Variants in RAB38 observed in about 807,000 individuals in gnomAD.
The protein encoded by RAB38 is RAB38, member RAS oncogene family.
Under a neutral mutation model 18.4 loss-of-function variants are expected in RAB38, and 15 were observed. That is an observed-to-expected ratio of 0.82 (90% CI 0.55 to 1.26). The LOEUF (loss-of-function observed/expected upper bound fraction) is 1.26. Ranked by LOEUF, RAB38 falls within the 50% of genes most tolerant of loss-of-function variation. The probability of loss-of-function intolerance (pLI) is 0.00; values close to 1 mark genes in which losing one functional copy is unlikely to be tolerated. For missense variants in RAB38, 294 were observed against 267.4 expected, an observed-to-expected ratio of 1.10 and a Z score of -0.69; for synonymous variants, 101 against 104.4, an observed-to-expected ratio of 0.97 and a Z score of 0.20.
At chr11:87,962,910 C>T in the RAB38 span, among the ~76,000 whole-genome samples, 6 of 152,122 alleles carry the variant, frequency 3.9e-5, no homozygotes, top group East Asian at 1.2e-3. Context: ...TCACTTTGTG[C>T]CCCCAAAATG....
At chr11:88,105,612 T>C in the RAB38 span, among the ~76,000 whole-genome samples, 2 of 152,196 alleles carry the variant, frequency 1.3e-5, no homozygotes, top group Non-Finnish European at 2.9e-5. Context: ...GTATAGGTTA[T>C]GTGTTCACCC....
the RAB38 span, among the ~76,000 whole-genome samples, chr11:87,955,571 C>T: frequency 5.9e-5 from 9 of 152,132 alleles, no homozygotes; most frequent in East Asian, 3.9e-4. Context: ...TTTTGTTTAA[C>T]GAAGCCTAAA....
At chr11:88,013,018 C>A in the RAB38 span, among the ~76,000 whole-genome samples, 1 of 152,158 alleles carries the variant, frequency 6.6e-6, no homozygotes, top group East Asian at 1.9e-4. Flanking sequence ...CCTGTTTTCT[C>A]ATGTGCAAAA....
chr11:87,878,791 C>T, the RAB38 span, among the ~76,000 whole-genome samples: 1 of 151,666 alleles, frequency 6.6e-6, no homozygotes, highest in African/African-American at 2.4e-5. Flanking sequence ...CTTGCTCAAT[C>T]CACCTCTTTA....
At chr11:88,132,478 A>G (rs1389958180) in intron 2 of RAB38, among the ~76,000 whole-genome samples, 1 of 152,146 alleles carries the variant, frequency 6.6e-6, no homozygotes, top group Non-Finnish European at 1.5e-5. Flanking sequence ...TTTTCTTGAG[A>G]CAGTGTTTCA....
the RAB38 span, among the ~76,000 whole-genome samples, chr11:88,051,882 C>T: frequency 1.3e-5 from 2 of 151,990 alleles, no homozygotes; most frequent in African/African-American, 2.4e-5. Context: ...CTAGCACTTT[C>T]GGAGGCCGAG....
the RAB38 span, among the ~76,000 whole-genome samples, chr11:87,876,430 C>T: frequency 6.6e-6 from 1 of 151,546 alleles, no homozygotes; most frequent in Non-Finnish European, 1.5e-5. Context: ...CTTTCTCCCC[C>T]AATAAATTTT....
chr11:88,042,012 A>C, the RAB38 span, among the ~76,000 whole-genome samples: 1 of 152,204 alleles, frequency 6.6e-6, no homozygotes, highest in Admixed American at 6.5e-5. Context: ...AAAACCCACA[A>C]CTCAGAAAAG....
At chr11:87,819,986 T>A in the RAB38 span, among the ~76,000 whole-genome samples, 1 of 152,090 alleles carries the variant, frequency 6.6e-6, no homozygotes, top group East Asian at 1.9e-4. Flanking sequence ...AGGAGGCCAA[T>A]TTTATGGATC....
the RAB38 span, among the ~76,000 whole-genome samples, chr11:87,848,479 A>C: frequency 6.6e-6 from 1 of 151,244 alleles, no homozygotes; most frequent in South Asian, 2.1e-4. Flanking sequence ...GTGATGTCTC[A>C]AAATAATCTG....
At chr11:88,038,662 T>A in the RAB38 span, among the ~76,000 whole-genome samples, 2 of 152,176 alleles carry the variant, frequency 1.3e-5, no homozygotes, top group African/African-American at 4.8e-5. Context: ...GGTAATCATT[T>A]TTTCTTCTTC....
the RAB38 span, among the ~76,000 whole-genome samples, chr11:87,926,162 C>T: frequency 9.2e-5 from 14 of 151,820 alleles, no homozygotes; most frequent in Admixed American, 4.6e-4. Flanking sequence ...GAAAGAATCG[C>T]CACTACCCTC....
the RAB38 span, among the ~76,000 whole-genome samples, chr11:88,051,846 G>A: frequency 2.2e-4 from 33 of 152,320 alleles, no homozygotes; most frequent in South Asian, 6.6e-3. Context: ...ATAAAGGGCT[G>A]GGCGCAGTGG....
intron 2 of RAB38, among the ~76,000 whole-genome samples, chr11:88,119,538 T>A (rs529590638): frequency 8.7e-4 from 132 of 152,094 alleles, no homozygotes; most frequent in Non-Finnish European, 1.6e-3. Context: ...GTGATTCTCA[T>A]CTTTCGGTGG....
the RAB38 span, among the ~76,000 whole-genome samples, chr11:87,910,207 TACTA>T: frequency 2.6e-5 from 4 of 152,104 alleles, no homozygotes; most frequent in African/African-American, 2.4e-5. Context: ...TTAATTTTTC[TACTA>T]ACTAATTATG....
At chr11:87,944,424 G>C in the RAB38 span, among the ~76,000 whole-genome samples, 3 of 152,156 alleles carry the variant, frequency 2.0e-5, no homozygotes, top group African/African-American at 7.2e-5. Context: ...TGTGGTCATT[G>C]TCTCTTGTCC....
At chr11:88,073,118 A>G in the RAB38 span, among the ~76,000 whole-genome samples, 1 of 152,178 alleles carries the variant, frequency 6.6e-6, no homozygotes, top group Non-Finnish European at 1.5e-5. Context: ...CTTCCCCACC[A>G]TCTTGTGTTT....
chr11:87,875,427 C>G, the RAB38 span, among the ~76,000 whole-genome samples: 232 of 151,458 alleles, frequency 1.5e-3, no homozygotes, highest in Non-Finnish European at 2.5e-3. Flanking sequence ...ACTTTAATGT[C>G]ATAAATAAAG....
At chr11:88,138,281 T>C (rs1484056426) in intron 2 of RAB38, among the ~76,000 whole-genome samples, 3 of 152,232 alleles carry the variant, frequency 2.0e-5, no homozygotes, top group Admixed American at 6.5e-5. Context: ...GAATATTCAT[T>C]GAAAATAAGC....
Sources: gnomAD v4.1 joint callset for allele counts (sites outside exome capture counted in the v4.1 genomes callset) on GRCh38, gnomAD v4.1.1 for gene constraint, MANE v1.5 for transcripts, NCBI Gene and HGNC (gene_info 2026-07-23, HGNC 2026-07-21) for gene names.